Variants in PRKAR1A observed in about 807,000 individuals in gnomAD.
PRKAR1A encodes the protein protein kinase cAMP-dependent type I regulatory subunit alpha.
A neutral mutation model predicts 52.0 loss-of-function variants in PRKAR1A; 3 were observed. The ratio of observed to expected loss-of-function variants is 0.06; its 90% confidence interval spans 0.03 to 0.15. The LOEUF is 0.15. Ranked by LOEUF, PRKAR1A falls within the 10% of genes least tolerant of loss-of-function variation. The pLI, the probability that PRKAR1A is intolerant of heterozygous loss-of-function variation, is 1.00. For missense variants in PRKAR1A, 240 were observed against 477.4 expected, an observed-to-expected ratio of 0.50 and a Z score of 4.63; for synonymous variants, 188 against 168.4, an observed-to-expected ratio of 1.12 and a Z score of -0.90.
At chr17:68,537,463 G>A, downstream of PRKAR1A, 9 of 1,614,004 alleles carry the variant, frequency 5.6e-6, no homozygotes, top group Non-Finnish European at 7.6e-6. The surrounding 1 kb of genome is among the most constrained non-coding windows in gnomAD (Gnocchi z 4.2). Flanking sequence ...TCTGAAACTG[G>A]ACTCTGCCAG....
the PRKAR1A span, chr17:68,444,381 A>T: frequency 1.2e-5 from 11 of 925,256 alleles, no homozygotes; most frequent in African/African-American, 1.7e-4. Flanking sequence ...CCTCACTAAG[A>T]CTCAAAAAGC....
intron 11 of PRKAR1A, among the ~76,000 whole-genome samples, chr17:68,547,277 A>AT (rs912095594): frequency 1.1e-4 from 17 of 152,128 alleles, no homozygotes; most frequent in South Asian, 2.1e-4. Flanking sequence ...TATTATTATT[A>AT]TTTTTTTATT....
the PRKAR1A span, among the ~76,000 whole-genome samples, chr17:68,433,760 G>GTTTTTTTT: frequency 4.1e-4 from 30 of 72,822 alleles, 2 homozygotes; most frequent in African/African-American, 1.4e-3. Context: ...AAGGGTCATA[G>GTTTTTTTT]TTTTTTTTTT....
At chr17:68,504,973 T>C in the PRKAR1A span, among the ~76,000 whole-genome samples, 1 of 151,878 alleles carries the variant, frequency 6.6e-6, no homozygotes, top group African/African-American at 2.4e-5. Context: ...AAATAAAAAA[T>C]AGAGAGAAAA....
chr17:68,414,862 G>GATGTCTGTTGTA, the PRKAR1A span, among the ~76,000 whole-genome samples: 5 of 152,060 alleles, frequency 3.3e-5, no homozygotes, highest in Non-Finnish European at 7.4e-5. Context: ...GTATTTTTGT[G>GATGTCTGTTGTA]ATGTCTGTTG....
chr17:68,475,424 C>A, the PRKAR1A span, among the ~76,000 whole-genome samples: 975 of 152,304 alleles, frequency 6.4e-3, 15 homozygotes, highest in African/African-American at 0.022. Flanking sequence ...CTCTCTAAGT[C>A]CTGCTGTATA....
downstream of PRKAR1A, among the ~76,000 whole-genome samples, chr17:68,534,259 C>G (rs1210870699): frequency 6.6e-6 from 1 of 152,156 alleles, no homozygotes; most frequent in Non-Finnish European, 1.5e-5. Context: ...GCCAATTTTG[C>G]TTAAGTAGCT....
At chr17:68,438,001 T>C in the PRKAR1A span, among the ~76,000 whole-genome samples, 1 of 137,644 alleles carries the variant, frequency 7.3e-6, no homozygotes, top group Non-Finnish European at 1.6e-5. Flanking sequence ...CAAGTTAGTA[T>C]ATTAAGTGGG....
chr17:68,536,238 A>G (rs745994068), downstream of PRKAR1A: 63 of 454,138 alleles, frequency 1.4e-4, no homozygotes, highest in Admixed American at 3.8e-4. Flanking sequence ...GCTCCATTCT[A>G]TTCTCATGCT....
chr17:68,413,717 C>T, the PRKAR1A span: 6 of 159,944 alleles, frequency 3.8e-5, no homozygotes, highest in East Asian at 3.7e-4. Context: ...CCCAGCCTCG[C>T]TGCCGCCTTG....
the PRKAR1A span, among the ~76,000 whole-genome samples, chr17:68,502,666 C>G: frequency 6.7e-6 from 1 of 148,970 alleles, no homozygotes; most frequent in Non-Finnish European, 1.5e-5. Flanking sequence ...GCAGGAGAAT[C>G]GCTTGAACCT....
chr17:68,497,886 A>G, the PRKAR1A span, among the ~76,000 whole-genome samples: 1 of 152,358 alleles, frequency 6.6e-6, no homozygotes, highest in South Asian at 2.1e-4. Flanking sequence ...GTGCTATGAA[A>G]GAAGCAACAA....
the PRKAR1A span, among the ~76,000 whole-genome samples, chr17:68,475,571 C>T: frequency 1.3e-5 from 2 of 152,220 alleles, no homozygotes; most frequent in Non-Finnish European, 2.9e-5. Flanking sequence ...TCAAGCGATT[C>T]TCGTGCCTCA....
intron 11 of PRKAR1A, chr17:68,542,117 T>TC (rs761066773): frequency 6.2e-7 from 1 of 1,614,044 alleles, no homozygotes. Flanking sequence ...GACAGCATAC[T>TC]CCGTCTTGCA....
At chr17:68,506,997 T>C (rs2085207462), upstream of PRKAR1A, among the ~76,000 whole-genome samples, 1 of 152,166 alleles carries the variant, frequency 6.6e-6, no homozygotes, top group Non-Finnish European at 1.5e-5. Flanking sequence ...GCTTATTTCC[T>C]GGGGAGAAAG....
At chr17:68,430,294 C>A in the PRKAR1A span, 1 of 823,112 alleles carries the variant, frequency 1.2e-6, no homozygotes, top group Non-Finnish European at 1.9e-6. Flanking sequence ...AATGTTCTGC[C>A]CACTGAGAAC....
the PRKAR1A span, among the ~76,000 whole-genome samples, chr17:68,423,347 T>A: frequency 6.6e-6 from 1 of 152,178 alleles, no homozygotes; most frequent in African/African-American, 2.4e-5. The surrounding 1 kb of genome is among the most constrained non-coding windows in gnomAD (Gnocchi z 4.4). Context: ...CCTCTGGTCC[T>A]TACATGGTGA....
intron 11 of PRKAR1A, among the ~76,000 whole-genome samples, chr17:68,545,935 T>C (rs573767386): frequency 3.9e-5 from 6 of 152,094 alleles, no homozygotes; most frequent in Non-Finnish European, 8.8e-5. Context: ...TTTGGGAGGC[T>C]GAGGCAGGTG....
chr17:68,507,960 T>C (rs2085218331), upstream of PRKAR1A, among the ~76,000 whole-genome samples: 1 of 152,222 alleles, frequency 6.6e-6, no homozygotes, highest in Admixed American at 6.5e-5. Flanking sequence ...GATGTTGCTG[T>C]GAATGTATTT....
Sources: allele counts gnomAD v4.1 joint callset (sites outside exome capture counted in the v4.1 genomes callset), GRCh38; gene constraint gnomAD v4.1.1; non-coding constraint Gnocchi (gnomAD v3.1); transcripts MANE v1.5; gene names NCBI Gene and HGNC (gene_info 2026-07-23, HGNC 2026-07-21).